ZNF280B: variants seen among roughly 807,000 people sequenced by gnomAD.
The protein encoded by ZNF280B is suppressor of hairy wing homolog 2.
In ZNF280B, 16 loss-of-function variants were observed where a neutral mutation model predicts 38.0. The observed-to-expected ratio is 0.42, with a 90% CI of 0.28 to 0.64. ZNF280B has a LOEUF of 0.64. ZNF280B is among the 30% of genes least tolerant of loss of function. The pLI is 0.21. For synonymous variants in ZNF280B, 253 were observed against 230.6 expected, an observed-to-expected ratio of 1.10 and a Z score of -0.88; for missense variants, 581 against 639.6, an observed-to-expected ratio of 0.91 and a Z score of 0.99.
Position 22,487,835 on chromosome 22 carries a change from C to G in ZNF280B, c.1564G>C (p.Val522Leu), listed in dbSNP as rs144549774. ...PGSVDVASIT[V>L]STSDSEPSLP... ...GATGGTTCAGAGTCAGATGTGCTCACAGTTATGGATGCTACATCCACTGAT... is the reference window on the plus strand; with the variant it reads ...GATGGTTCAGAGTCAGATGTGCTCAGAGTTATGGATGCTACATCCACTGAT... The change falls in exon 4 of 4, where the codon GTG becomes CTG. Residue 522 changes from valine to leucine, a missense_variant. By Grantham distance (32) the Val-to-Leu change is conservative. Transcript: ENST00000626650. The G allele has an allele frequency of 4.5e-5, 73 of 1,613,388 alleles. No homozygotes were observed. In the African/African-American group the frequency reaches 7.2e-4, roughly 16 times the overall value.
chr22:22,488,394 C>A lies in ZNF280B; in HGVS notation c.1005G>T (p.Arg335Ser), dbSNP rs201317722. 3 of 1,613,840 alleles carry A rather than the reference C, an allele frequency of 1.9e-6. No individual in the cohort carries two copies. The highest frequency in any genetic ancestry group is 1.7e-6 in the Non-Finnish European group (2 of 1,179,964). ...VKHHLEFEKQ[R>S]NDSWENHTTC... ...TGGTGTGGTTTTCCCAGCTGTCGTTCCTCTGCTTCTCAAATTCCAAATGAT... is the reference window on the plus strand; with the variant it reads ...TGGTGTGGTTTTCCCAGCTGTCGTTACTCTGCTTCTCAAATTCCAAATGAT... Residue 335 changes from arginine to serine, a missense_variant, in exon 4 of 4, where the codon AGG (arginine) becomes AGT (serine). Physicochemically the swap from Arg to Ser is moderately radical, Grantham distance 110. Coordinates refer to ENST00000626650, the MANE Select transcript of ZNF280B (RefSeq NM_080764.4).
rs758829912 is a variant in ZNF280B at position 22,488,552 on chromosome 22, C to T, written c.847G>A (p.Val283Met). The T allele has an allele frequency of 4.6e-5, 74 of 1,613,810 alleles. No individual in the cohort carries two copies. The Admixed American group carries it at 1.2e-3, about 27-fold the overall frequency. The change falls in exon 4 of 4, where the codon GTG becomes ATG. Residue 283 changes from valine (V) to methionine (M), a missense_variant. Transcript: ENST00000626650. ...CCATAGTAAAAGTCACTAAGTAACA[C>T]AATGGGATTTTCTTTCTTGGGATCA... ...TFDPKKENPI[V>M]LLSDFYYGQH...
intron 1 of ZNF280B, among the ~76,000 whole-genome samples, chr22:22,508,356 C>G (rs1024025702): frequency 1.3e-5 from 2 of 151,840 alleles, no homozygotes; most frequent in Non-Finnish European, 2.9e-5. Context: ...GCACTGGGAG[C>G]CAGGAAAGGC....
At chr22:22,507,899 T>C (rs1340728222) in intron 1 of ZNF280B, 29 bp from the exon 2 acceptor site, 5 of 152,038 alleles carry the variant, frequency 3.3e-5, no homozygotes, top group Non-Finnish European at 7.3e-5. Context: ...AAGCATTAGT[T>C]ACTTACATGT....
At chr22:22,496,880 T>A (rs1426891632) in intron 2 of ZNF280B, among the ~76,000 whole-genome samples, 1 of 150,106 alleles carries the variant, frequency 6.7e-6, no homozygotes, top group Non-Finnish European at 1.5e-5. Context: ...TGCAGTGCCG[T>A]GATCTCGGCT....
In ZNF280B at chr22:22,487,148, A is replaced by C. The variant is rs750050407; in HGVS notation, c.*619T>G. 3 of 151,956 alleles carry C rather than the reference A, an allele frequency of 2.0e-5. No homozygotes were observed. The highest frequency in any genetic ancestry group is 4.4e-5 in the Non-Finnish European group (3 of 68,010). The allele number at this position is 151,956 out of a possible 1,614,324, so 9.4% of individuals were successfully genotyped here. On this transcript the variant is annotated 3_prime_UTR_variant, in exon 4 of 4. Transcript: ENST00000626650. ...AGCTTAGGAGTAACATGAAATACCA[A>C]AACAATAAATAGGTGCCAGGGGCAG...
intron 1 of ZNF280B, among the ~76,000 whole-genome samples, chr22:22,508,316 G>T (rs2061980913): frequency 6.6e-6 from 1 of 151,958 alleles, no homozygotes; most frequent in Non-Finnish European, 1.5e-5. Flanking sequence ...CGCCAAAAGA[G>T]ACCCCGCGGG....
intron 3 of ZNF280B, among the ~76,000 whole-genome samples, chr22:22,490,658 G>C (rs921256584): frequency 6.6e-6 from 1 of 151,698 alleles, no homozygotes; most frequent in Non-Finnish European, 1.5e-5. Context: ...AGTAGAGATC[G>C]GGTTTCACCA....
chr22:22,508,568 G>A (rs773330169), intron 1 of ZNF280B, 91 bp downstream of exon 1: 6 of 152,136 alleles, frequency 3.9e-5, no homozygotes, highest in African/African-American at 1.4e-4. Context: ...GCCAAGCGCG[G>A]TGTCGCGACC....
At chr22:22,490,781 C>A (rs1185490460) in intron 3 of ZNF280B, among the ~76,000 whole-genome samples, 1 of 151,798 alleles carries the variant, frequency 6.6e-6, no homozygotes, top group Non-Finnish European at 1.5e-5. Flanking sequence ...CCTGCTATTT[C>A]TTGAACATAC....
At chr22:22,490,990 C>G (rs996738524) in intron 3 of ZNF280B, among the ~76,000 whole-genome samples, 1 of 151,806 alleles carries the variant, frequency 6.6e-6, no homozygotes, top group African/African-American at 2.4e-5. Flanking sequence ...AGCCCTATCA[C>G]CATTTAACAT....
rs533173626 is a variant in ZNF280B at position 22,508,673 on chromosome 22, T to G, written c.-262A>C. The G allele has an allele frequency of 6.6e-6, 1 of 151,878 alleles. No individual in the cohort carries two copies. The highest frequency in any genetic ancestry group is 1.5e-5 in the Non-Finnish European group (1 of 68,000). 9.4% of individuals were successfully genotyped at this position (151,878 alleles called of 1,614,324 possible). ...CCCGTCCTTACCAGTCCGGATCAGC[T>G]GCTGTTCGCGAGCTGCCGGCCACGC... On this transcript the variant is annotated 5_prime_UTR_variant, in exon 1 of 4. Transcript: ENST00000626650.
At chr22:22,491,080 T>C (rs2061584852) in intron 3 of ZNF280B, among the ~76,000 whole-genome samples, 1 of 151,996 alleles carries the variant, frequency 6.6e-6, no homozygotes, top group African/African-American at 2.4e-5. Flanking sequence ...GTATTCTATC[T>C]TTTGTTGACT....
At chr22:22,499,963 A>AT (rs2061783435) in intron 2 of ZNF280B, among the ~76,000 whole-genome samples, 1 of 151,986 alleles carries the variant, frequency 6.6e-6, no homozygotes, top group Admixed American at 6.6e-5. Flanking sequence ...TTGAATAGAC[A>AT]TTTCTCCAAA....
In ZNF280B at chr22:22,489,308, T is replaced by C. The variant is rs1294907399; in HGVS notation, c.91A>G (p.Ile31Val). Residue 31 changes from isoleucine (I) to valine (V), a missense_variant, in exon 4 of 4, where the codon ATC (isoleucine) becomes GTC (valine). Transcript: ENST00000626650. Reference sequence around the variant, plus strand: ...TTTACATGTTCCACACCAACAAAGATGAGCTCAGCATCTTCGTCATCTACT... The same window carrying C: ...TTTACATGTTCCACACCAACAAAGACGAGCTCAGCATCTTCGTCATCTACT... The part of the protein sequence containing the change: ...KQVDDEDAEL[I>V]FVGVEHVNED... The C allele has an allele frequency of 6.2e-7, 1 of 1,613,828 alleles. No individual in the cohort carries two copies. The highest frequency in any genetic ancestry group is 1.7e-4 in the Middle Eastern group (1 of 6,052).
intron 2 of ZNF280B, among the ~76,000 whole-genome samples, chr22:22,494,413 T>C (rs1473664325): frequency 6.6e-6 from 1 of 151,910 alleles, no homozygotes; most frequent in Non-Finnish European, 1.5e-5. Flanking sequence ...ACAAGTTCAT[T>C]AAGAACAAGA....
chr22:22,491,275 T>A lies in ZNF280B; in HGVS notation c.-68-1809A>T, dbSNP rs2061588137. Among the ~76,000 whole-genome samples the A allele has an allele frequency of 2.0e-5, 3 of 151,872 alleles. 1 individual carries two copies. The South Asian group carries it at 6.3e-4, about 32-fold the overall frequency. ...CTCTGAGAACTTTATCCATTGGAAA[T>A]TCCGTAGGCCAATAAAGGACTTAAA... On this transcript the variant is annotated intron_variant, in intron 3 of 3. Transcript: ENST00000626650.
At chr22:22,495,376 A>C (rs117584460) in intron 2 of ZNF280B, among the ~76,000 whole-genome samples, 3,591 of 152,114 alleles carry the variant, frequency 0.024, 73 homozygotes, top group Middle Eastern at 0.097. Flanking sequence ...GAAATCGGTA[A>C]ACATTAACAG....
chr22:22,499,318 G>A (rs959989036), intron 2 of ZNF280B, among the ~76,000 whole-genome samples: 3 of 151,528 alleles, frequency 2.0e-5, no homozygotes, highest in Non-Finnish European at 4.4e-5. Flanking sequence ...AGGCTGGAGT[G>A]AAATGGCACG....
Sources: allele counts gnomAD v4.1 joint callset (sites outside exome capture counted in the v4.1 genomes callset), GRCh38; gene constraint gnomAD v4.1.1; transcripts MANE v1.5; gene names NCBI Gene and HGNC (gene_info 2026-07-23, HGNC 2026-07-21).